The following ITIH4 variants were observed in gnomAD, a reference collection of about 807,000 sequenced individuals.
ITIH4 encodes inter-alpha-trypsin inhibitor heavy chain 4, also known as inter-alpha-trypsin inhibitor heavy chain H4.
In ITIH4, 79 loss-of-function variants were observed where a neutral mutation model predicts 111.8. The ratio of observed to expected loss-of-function variants is 0.71; its 90% confidence interval spans 0.59 to 0.85. ITIH4 has a LOEUF of 0.85. Ranked by LOEUF, ITIH4 falls within the 40% of genes least tolerant of loss-of-function variation. The pLI is 0.00. For missense variants in ITIH4, 1,065 were observed against 1,195.8 expected (o/e 0.89, Z 1.61); for synonymous variants, 472 against 468.3 (o/e 1.01, Z -0.10).
At chr3:52,826,495 AG>A in intron 5 of ITIH4, 45 bp downstream of exon 5, 1 of 1,433,360 alleles carries the variant, frequency 7.0e-7, no homozygotes, top group Non-Finnish European at 9.8e-7. Flanking sequence ...GCTGGCCTGA[AG>A]GCAGGGCCCT....
intron 17 of ITIH4, 104 bp from the exon 18 acceptor site, chr3:52,818,640 A>G (rs1332285516): frequency 2.2e-6 from 2 of 892,260 alleles, no homozygotes; most frequent in Non-Finnish European, 3.6e-6. Context: ...CCTGCCACAC[A>G]TACACTCCAC....
chr3:52,814,482 T>TCCCACCCAAGGCCACTCC, intron 21 of ITIH4, 119 bp from the exon 22 acceptor site: 1 of 837,846 alleles, frequency 1.2e-6, no homozygotes, highest in Non-Finnish European at 1.9e-6. Context: ...GGAGTGGCCT[T>TCCCACCCAAGGCCACTCC]GGGTGGGAAG....
chr3:52,819,632 C>A (rs1310383835), intron 16 of ITIH4, 114 bp from the exon 17 acceptor site: 1 of 1,580,906 alleles, frequency 6.3e-7, no homozygotes, highest in Non-Finnish European at 8.7e-7. Context: ...GTCCCCTCTC[C>A]CCACACCCGG....
chr3:52,821,056 A>ATACTTGGGGCTCTGGAACTCCGCC lies in ITIH4; in HGVS notation c.1590_1613dup (p.Lys537_Tyr538insTer). The ATACTTGGGGCTCTGGAACTCCGCC allele has an allele frequency of 6.2e-7, 1 of 1,614,046 alleles. No homozygotes were observed. Among genetic ancestry groups the ATACTTGGGGCTCTGGAACTCCGCC allele is most frequent in the Non-Finnish European group, 8.5e-7 (1 of 1,180,036 alleles). On this transcript the variant is annotated stop_gained, in exon 12 of 24. Coordinates refer to ENST00000266041, the MANE Select transcript of ITIH4 (RefSeq NM_002218.5). LOFTEE classifies it high-confidence loss of function. ...GCCTCTCCATGAAGTTGTGGAAGAT[A>ATACTTGGGGCTCTGGAACTCCGCC]TACTTGGGGCTCTGGAACTCCGCCT...
chr3:52,814,471 C>T (rs554679552), intron 21 of ITIH4, 108 bp from the exon 22 acceptor site: 30 of 959,960 alleles, frequency 3.1e-5, no homozygotes, highest in Non-Finnish European at 4.2e-5. Context: ...CAGGAAGTCA[C>T]GGAGTGGCCT....
rs1388703279 is a variant in ITIH4, at chr3:52,824,815, G to A, written c.876+27C>T. 3 of 1,564,014 alleles carry A rather than the reference G, an allele frequency of 1.9e-6. No individual in the cohort carries two copies. The highest frequency in any genetic ancestry group is 2.6e-6 in the Non-Finnish European group (3 of 1,140,156). ...GCGTGAAGGGCCTGGGAGTTTTCAG[G>A]GCCCTGCCCTGGGCCACAGGACCTA... On this transcript the variant is annotated intron_variant, in intron 7 of 23. Coordinates refer to ENST00000266041, the MANE Select transcript of ITIH4 (RefSeq NM_002218.5). This position sits in a 1 kb window ranked among gnomAD's most constrained non-coding sequence, Gnocchi z 4.3.
chr3:52,817,607 T>C (rs1311356146), intron 20 of ITIH4, among the ~76,000 whole-genome samples: 1 of 152,194 alleles, frequency 6.6e-6, no homozygotes, highest in Non-Finnish European at 1.5e-5. Context: ...CCAGCACCCC[T>C]GTCTCTTCCT....
chr3:52,814,014 C>T lies in ITIH4; in HGVS notation c.2684G>A (p.Arg895His), dbSNP rs149526840. The T allele has an allele frequency of 6.0e-5, 97 of 1,613,658 alleles. No individual in the cohort carries two copies. The highest frequency in any genetic ancestry group is 1.7e-4 in the Middle Eastern group (1 of 5,952). ...GTCATTGCCCTGAACCCTCAGCGTG[C>T]GTCTGCCGTCATCTGATGCTGCTGG... ...GSPAASDDGR[R>H]TLRVQGNDHS... Residue 895 changes from arginine to histidine, a missense_variant, in exon 23 of 24, where the codon CGC becomes CAC. Coordinates refer to ENST00000266041, the MANE Select transcript of ITIH4 (RefSeq NM_002218.5).
intron 21 of ITIH4, among the ~76,000 whole-genome samples, chr3:52,815,650 A>G (rs1700268798): frequency 6.6e-6 from 1 of 151,380 alleles, no homozygotes; most frequent in South Asian, 2.1e-4. Context: ...AATGCTATTG[A>G]TTTTGGTGAA....
chr3:52,816,076 AGAGG>A (rs1344336286), intron 21 of ITIH4, among the ~76,000 whole-genome samples: 1 of 152,234 alleles, frequency 6.6e-6, no homozygotes, highest in East Asian at 1.9e-4. Context: ...GAGTTCCCGC[AGAGG>A]GCTTGGTGAG....
In ITIH4 at chr3:52,818,529, A is replaced by G; in HGVS notation, c.2085T>C (p.Ala695=). ...GATTTGAGGTGGCTGGTGGTGCTGA[A>G]GCAGGCACTAGGGCAGGAACATCCG... ...HPFRRLAILP[A]SAPPATSNPD... is the part of the protein sequence containing the mutation. The change falls in exon 18 of 24, where the codon GCT becomes GCC. Residue 695 remains alanine (A), a synonymous_variant. Transcript: ENST00000266041. The G allele has an allele frequency of 6.2e-7, 1 of 1,602,448 alleles. No homozygotes were observed. The highest frequency in any genetic ancestry group is 1.3e-5 in the African/African-American group (1 of 74,794).
intron 3 of ITIH4, 69 bp from the exon 4 acceptor site, chr3:52,827,022 G>A (rs1049035269): frequency 6.2e-7 from 1 of 1,612,228 alleles, no homozygotes; most frequent in Non-Finnish European, 8.5e-7. Context: ...GGTGGGAGCA[G>A]GACTAAGGGC....
chr3:52,821,026 C>A lies in ITIH4; in HGVS notation c.1644G>T (p.Trp548Cys). 6.2e-7 allele frequency: 1 copy of A among 1,614,102 alleles called. No homozygotes were observed. The highest frequency in any genetic ancestry group is 8.5e-7 in the Non-Finnish European group (1 of 1,180,030). Residue 548 changes from tryptophan (W) to cysteine (C), a missense_variant, in exon 12 of 24, where the codon TGG (tryptophan) becomes TGT (cysteine). Physicochemically the swap from Trp to Cys is radical, Grantham distance 215. Coordinates refer to ENST00000266041, the MANE Select transcript of ITIH4 (RefSeq NM_002218.5). Reference protein sequence around the residue: ...YIFHNFMERLWAYLTIQQLLE... With the variant: ...YIFHNFMERLCAYLTIQQLLE... ...GCAGCTGCTGGATAGTCAGGTATGCCCAGAGCCTCTCCATGAAGTTGTGGA... is the reference window on the plus strand; with the variant it reads ...GCAGCTGCTGGATAGTCAGGTATGCACAGAGCCTCTCCATGAAGTTGTGGA...
chr3:52,820,626 C>T lies in ITIH4; in HGVS notation c.1834+5G>A. The T allele has an allele frequency of 6.2e-7, 1 of 1,605,224 alleles. No homozygotes were observed. The highest frequency in any genetic ancestry group is 8.5e-7 in the Non-Finnish European group (1 of 1,174,730). Reference sequence around the variant, plus strand: ...GGGAGGCTGAGATCTCAACCCCACACCCACCGCCTTCCATGGGCTTCTCAG... The same window carrying T: ...GGGAGGCTGAGATCTCAACCCCACATCCACCGCCTTCCATGGGCTTCTCAG... On this transcript the variant is annotated splice_donor_5th_base_variant and intron_variant, in intron 13 of 23. Coordinates refer to ENST00000266041, the MANE Select transcript of ITIH4 (RefSeq NM_002218.5).
intron 11 of ITIH4, among the ~76,000 whole-genome samples, chr3:52,822,782 G>A (rs1414034311): frequency 2.6e-5 from 4 of 152,136 alleles, no homozygotes; most frequent in East Asian, 1.9e-4. Context: ...CTTCACACAC[G>A]CTGCCCTCAT....
Position 52,813,195 on chromosome 3 carries a change from T to C in ITIH4, c.*226A>G, listed in dbSNP as rs1700221102. The C allele has an allele frequency of 3.7e-6, 2 of 539,098 alleles. No homozygotes were observed. The highest frequency in any genetic ancestry group is 6.6e-6 in the Non-Finnish European group (2 of 301,530). The allele number at this position is 539,098 out of a possible 1,614,324, so 33.4% of individuals were successfully genotyped here. ...GCCATGGGCTCTTGAGAGCTGACAG[T>C]GGAAGCTTCTGTGTTCCACGATGCT... On this transcript the variant is annotated 3_prime_UTR_variant, in exon 24 of 24. Coordinates refer to ENST00000266041, the MANE Select transcript of ITIH4 (RefSeq NM_002218.5).
chr3:52,824,285 G>A lies in ITIH4; in HGVS notation c.1076C>T (p.Ala359Val). 1 of 1,613,684 alleles carries A rather than the reference G, an allele frequency of 6.2e-7. No homozygotes were observed. Among genetic ancestry groups the A allele is most frequent in the Non-Finnish European group, 8.5e-7 (1 of 1,179,972 alleles). Residue 359 changes from alanine (A) to valine (V), a missense_variant, in exon 9 of 24, where the codon GCT becomes GTT. Transcript: ENST00000266041. The surrounding 1 kb of genome is among the most constrained non-coding windows in gnomAD (Gnocchi z 4.3). The part of the protein sequence containing the change: ...GTNINDAMLM[A>V]VQLLDSSNQE... ...GTTGCTGCTGTCCAGCAACTGCACAGCCATCAGCATTGCATCATTGATGTT... is the reference window on the plus strand; with the variant it reads ...GTTGCTGCTGTCCAGCAACTGCACAACCATCAGCATTGCATCATTGATGTT...
intron 5 of ITIH4, 42 bp from the exon 6 acceptor site, chr3:52,826,056 G>A: frequency 6.2e-7 from 1 of 1,612,312 alleles, no homozygotes; most frequent in Non-Finnish European, 8.5e-7. Flanking sequence ...GAACAGCAAA[G>A]CCAGGCCAAC....
rs973402920 is a variant in ITIH4 at position 52,818,625 on chromosome 3, C to A, written c.2078-89G>T. ...CAGCGCTGCCACCAAGCTCCAGCCCCCCATCCTGCCACACATACACTCCAC... is the reference window on the plus strand; with the variant it reads ...CAGCGCTGCCACCAAGCTCCAGCCCACCATCCTGCCACACATACACTCCAC... On this transcript the variant is annotated intron_variant, in intron 17 of 23. Coordinates refer to ENST00000266041, the MANE Select transcript of ITIH4 (RefSeq NM_002218.5). The A allele has an allele frequency of 1.4e-5, 15 of 1,059,150 alleles. No individual in the cohort carries two copies. The African/African-American group carries it at 2.2e-4, about 15-fold the overall frequency. 65.6% of individuals were successfully genotyped at this position (1,059,150 alleles called of 1,614,324 possible).
Sources: gnomAD v4.1 joint callset for allele counts (sites outside exome capture counted in the v4.1 genomes callset) on GRCh38, gnomAD v4.1.1 for gene constraint, Gnocchi (gnomAD v3.1) non-coding constraint, MANE v1.5 for transcripts, NCBI Gene and HGNC (gene_info 2026-07-23, HGNC 2026-07-21) for gene names.